Variants in ABCC8 observed in about 807,000 individuals in gnomAD.
The protein encoded by ABCC8 is ATP-binding cassette sub-family C member 8.
Under a neutral mutation model 188.0 loss-of-function variants are expected in ABCC8, and 137 were observed. That is an observed-to-expected ratio of 0.73 (90% CI 0.63 to 0.84). The LOEUF (loss-of-function observed/expected upper bound fraction) is 0.84. ABCC8 is among the 40% of genes least tolerant of loss of function. The pLI, the probability that ABCC8 is intolerant of heterozygous loss-of-function variation, is 0.00. For synonymous variants in ABCC8, 797 were observed against 846.5 expected, an observed-to-expected ratio of 0.94 and a Z score of 1.01; for missense variants, 1,750 against 2,072.7, an observed-to-expected ratio of 0.84 and a Z score of 3.02.
intron 2 of ABCC8, among the ~76,000 whole-genome samples, chr11:17,470,534 G>A (rs935447764): frequency 7.2e-5 from 11 of 152,176 alleles, no homozygotes; most frequent in African/African-American, 2.7e-4. Context: ...CATTTAACAC[G>A]AACAGCATAA....
chr11:17,466,702 C>CACAATCTTGGCTGGAGTGCAGTGGA (rs1848173363), intron 3 of ABCC8, among the ~76,000 whole-genome samples: 1 of 152,096 alleles, frequency 6.6e-6, no homozygotes, highest in African/African-American at 2.4e-5. Flanking sequence ...AGTGCAGTGG[C>CACAATCTTGGCTGGAGTGCAGTGGA]ACAATCTTGG....
In ABCC8 at chr11:17,412,820, T is replaced by A. The variant is rs78152929; in HGVS notation, c.2476-74A>T. The A allele has an allele frequency of 6.0e-4, 929 of 1,555,030 alleles. 8 individuals carry two copies. In the African/African-American group the frequency reaches 0.012, roughly 20 times the overall value. On this transcript the variant is annotated intron_variant, in intron 20 of 38. Transcript: ENST00000389817. ...CACTGTCCTGTACCCTACTGGACTA[T>A]GAGCTCTTTGGGATGGAGGCCTGGC... is the stretch of plus-strand genomic sequence containing the variant.
chr11:17,424,700 T>C (rs1348498413), intron 16 of ABCC8, among the ~76,000 whole-genome samples: 1 of 152,202 alleles, frequency 6.6e-6, no homozygotes, highest in Admixed American at 6.5e-5. Flanking sequence ...GGAAAAGCCC[T>C]GCCTTGGAGG....
intron 12 of ABCC8, chr11:17,430,095 T>A (rs1302853965): frequency 6.4e-6 from 1 of 155,084 alleles, no homozygotes; most frequent in Non-Finnish European, 1.4e-5. Context: ...CAGCCCTCCA[T>A]AGAGGCATGA....
intron 17 of ABCC8, 50 bp downstream of exon 17, chr11:17,416,880 A>T: frequency 6.3e-7 from 1 of 1,596,968 alleles, no homozygotes; most frequent in Non-Finnish European, 8.6e-7. Context: ...CCCCCACCCT[A>T]CCCCTTCCCT....
rs894476497 is a variant in ABCC8 at position 17,474,607 on chromosome 11, T to C, written c.290+279A>G. Among the ~76,000 whole-genome samples the C allele has an allele frequency of 4.5e-4, 69 of 151,938 alleles. 1 individual carries two copies. The highest frequency in any genetic ancestry group is 8.4e-4 in the Non-Finnish European group (57 of 67,996). On this transcript the variant is annotated intron_variant, in intron 2 of 38. Transcript: ENST00000389817. ...GTAGAAGAGGCCAGACATTTTTCAC[T>C]GGAGTTGTGGCATTCTAATAGGCTC... is the stretch of plus-strand genomic sequence containing the variant.
In ABCC8 at chr11:17,430,902, A is replaced by C; in HGVS notation, c.1729T>G (p.Phe577Val). The C allele has an allele frequency of 1.9e-6, 3 of 1,614,226 alleles. No homozygotes were observed. Among genetic ancestry groups the C allele is most frequent in the Non-Finnish European group, 2.5e-6 (3 of 1,180,042 alleles). ...KEADFSPSVA[F>V]ASLSLFHILV... ...ATATGGAAGAGGGAGAGGGAGGCAA[A>C]GGCCACGGAGGGCGAGAAGTCGGCC... The change falls in exon 12 of 39, where the codon TTT (phenylalanine) becomes GTT (valine). Residue 577 changes from phenylalanine to valine, a missense_variant. Coordinates refer to ENST00000389817, the MANE Select transcript of ABCC8 (RefSeq NM_000352.6).
At chr11:17,445,506 T>G (rs10766400) in intron 8 of ABCC8, among the ~76,000 whole-genome samples, 61,807 of 152,136 alleles carry the variant, frequency 0.41, 13,578 homozygotes, top group African/African-American at 0.58. Context: ...AAAAAAAGAT[T>G]ATGAAACAAG....
At chr11:17,466,620 T>G (rs568934794) in intron 3 of ABCC8, among the ~76,000 whole-genome samples, 5 of 124,600 alleles carry the variant, frequency 4.0e-5, no homozygotes, top group Admixed American at 3.2e-4. Context: ...GAATATACTT[T>G]TTTTTTCTTT....
intron 6 of ABCC8, among the ~76,000 whole-genome samples, chr11:17,459,399 G>A (rs1311889699): frequency 6.6e-6 from 1 of 152,160 alleles, no homozygotes; most frequent in Non-Finnish European, 1.5e-5. Flanking sequence ...AGTGTTCAAT[G>A]AAAGTTTGCT....
Position 17,404,845 on chromosome 11 carries a change from T to G in ABCC8, c.3400-176A>C, listed in dbSNP as rs1409185211. 8.7e-6 allele frequency: 5 copies of G among 574,406 alleles called. No individual in the cohort carries two copies. In the African/African-American group the frequency reaches 1.0e-4, roughly 12 times the overall value. The allele number at this position is 574,406 out of a possible 1,614,324, so 35.6% of individuals were successfully genotyped here. A position where few individuals can be genotyped will look rare whatever the true frequency, so the allele number is the denominator to read the frequency against. ...AGCGTAATCTCGGTTCACGGCAGCCTCTGCCCCTTGGGTTCAAATGATTCT... is the reference window on the plus strand; with the variant it reads ...AGCGTAATCTCGGTTCACGGCAGCCGCTGCCCCTTGGGTTCAAATGATTCT... On this transcript the variant is annotated intron_variant, in intron 27 of 38. Transcript: ENST00000389817. The surrounding 1 kb of genome is among the most constrained non-coding windows in gnomAD (Gnocchi z 4.7).
At chr11:17,418,818 GC>G (rs564844698) in intron 16 of ABCC8, among the ~76,000 whole-genome samples, 1 of 152,128 alleles carries the variant, frequency 6.6e-6, no homozygotes, top group Non-Finnish European at 1.5e-5. Context: ...ATCTTTTTCA[GC>G]CCCCATGGTG....
chr11:17,411,891 CTTTTT>C (rs1262103548), intron 21 of ABCC8, among the ~76,000 whole-genome samples: 1 of 122,976 alleles, frequency 8.1e-6, no homozygotes, highest in Non-Finnish European at 1.7e-5. Context: ...CGAATACGTT[CTTTTT>C]TTTTTTTTTT....
intron 29 of ABCC8, chr11:17,399,077 T>C (rs569989110): frequency 6.4e-6 from 1 of 156,656 alleles, no homozygotes; most frequent in East Asian, 1.9e-4. Flanking sequence ...AAGACCAGCC[T>C]GGCCAACATG....
chr11:17,463,682 G>A, intron 3 of ABCC8, 78 bp from the exon 4 acceptor site: 1 of 1,534,924 alleles, frequency 6.5e-7, no homozygotes, highest in East Asian at 2.5e-5. Flanking sequence ...GCAAGTATGT[G>A]GCAGAGAAGG....
rs1955571227 is a variant in ABCC8, at chr11:17,426,112, T to C, written c.2222+937A>G. On this transcript the variant is annotated intron_variant, in intron 16 of 38. Coordinates refer to ENST00000389817, the MANE Select transcript of ABCC8 (RefSeq NM_000352.6). ...GATGGGCATTTGGGTTGTTTCCAAG[T>C]CTTTGCTATTGTGAATAGTGCTGCA... Among the ~76,000 whole-genome samples, 3 of 152,222 alleles carry C rather than the reference T, an allele frequency of 2.0e-5. No homozygotes were observed. The South Asian group carries it at 6.2e-4, about 32-fold the overall frequency.
chr11:17,397,951 G>A, intron 30 of ABCC8, 154 bp from the exon 31 acceptor site: 1 of 941,402 alleles, frequency 1.1e-6, no homozygotes, highest in Non-Finnish European at 1.3e-6. Context: ...CACAAGGGCT[G>A]CGAAGGCTGG....
intron 6 of ABCC8, among the ~76,000 whole-genome samples, chr11:17,457,872 A>G (rs1299502939): frequency 6.6e-6 from 1 of 152,204 alleles, no homozygotes; most frequent in Non-Finnish European, 1.5e-5. Context: ...TGCAGGATGG[A>G]TTCAGGCTGG....
chr11:17,448,776 C>T (rs983364853), intron 7 of ABCC8, 105 bp from the exon 8 acceptor site: 1 of 1,591,856 alleles, frequency 6.3e-7, no homozygotes. Flanking sequence ...AGACAGTCCC[C>T]ATGGTGCCCT....
Sources: gnomAD v4.1 joint callset for allele counts (sites outside exome capture counted in the v4.1 genomes callset) on GRCh38, gnomAD v4.1.1 for gene constraint, Gnocchi (gnomAD v3.1) non-coding constraint, MANE v1.5 for transcripts, NCBI Gene and HGNC (gene_info 2026-07-23, HGNC 2026-07-21) for gene names.